Variants in SDHA observed in about 807,000 individuals in gnomAD.
SDHA encodes the protein succinate dehydrogenase [ubiquinone] flavoprotein subunit, mitochondrial.
Under a neutral mutation model 78.4 loss-of-function variants are expected in SDHA, and 48 were observed. The ratio of observed to expected loss-of-function variants is 0.61; its 90% CI spans 0.49 to 0.78. SDHA has a LOEUF of 0.78. Ranked by LOEUF, SDHA falls within the 30% of genes least tolerant of loss-of-function variation. SDHA has a pLI of 0.00. For missense variants in SDHA, 680 were observed against 892.7 expected (o/e 0.76, Z 3.04); for synonymous variants, 326 against 353.9 (o/e 0.92, Z 0.88).
intron 1 of SDHA, among the ~76,000 whole-genome samples, chr5:219,094 C>CA (rs1489249118): frequency 2.6e-5 from 4 of 152,316 alleles, no homozygotes; most frequent in Middle Eastern, 3.4e-3. Flanking sequence ...CTTATGCCAC[C>CA]AAAAATGTGC....
rs557117693 is a variant in SDHA, at chr5:243,901, T to G, written c.1551+3425T>G. On this transcript the variant is annotated intron_variant, in intron 11 of 14. Coordinates refer to ENST00000264932, the MANE Select transcript of SDHA (RefSeq NM_004168.4). Reference sequence around the variant, plus strand: ...AGGAAATACTCCGTTTCCTGGAGGTTGTTTTAACTGTGGGAAGCATGGTCA... The same window carrying G: ...AGGAAATACTCCGTTTCCTGGAGGTGGTTTTAACTGTGGGAAGCATGGTCA... Among the ~76,000 whole-genome samples, 3 of 152,254 alleles carry G rather than the reference T, an allele frequency of 2.0e-5. No homozygotes were observed. In the South Asian group the frequency reaches 6.2e-4, roughly 32 times the overall value.
intron 13 of SDHA, among the ~76,000 whole-genome samples, chr5:252,239 G>A (rs1329606790): frequency 7.7e-6 from 1 of 130,598 alleles, no homozygotes; most frequent in Non-Finnish European, 1.5e-5. Flanking sequence ...ATTAAATAAG[G>A]AGTAAGCCAC....
intron 11 of SDHA, among the ~76,000 whole-genome samples, chr5:241,956 C>G (rs1736168368): frequency 6.6e-6 from 1 of 152,206 alleles, no homozygotes; most frequent in Non-Finnish European, 1.5e-5. Context: ...GGGAACATGC[C>G]TTCGGATATA....
At chr5:266,641 C>G in the SDHA span, among the ~76,000 whole-genome samples, 1 of 152,134 alleles carries the variant, frequency 6.6e-6, no homozygotes, top group Non-Finnish European at 1.5e-5. Flanking sequence ...ATAATTGGGT[C>G]AATATAAAAA....
chr5:220,679 G>T (rs376739859), intron 1 of SDHA, among the ~76,000 whole-genome samples: 1 of 148,772 alleles, frequency 6.7e-6, no homozygotes, highest in Admixed American at 6.7e-5. Context: ...GAGCCAGGCC[G>T]GCCGACTTGA....
chr5:228,270 C>T lies in SDHA; in HGVS notation c.707C>T (p.Ala236Val), dbSNP rs1060503703. 6.2e-7 allele frequency: 1 copy of T among 1,613,702 alleles called. No homozygotes were observed. The highest frequency in any genetic ancestry group is 1.7e-5 in the Admixed American group (1 of 59,994). The change falls in exon 6 of 15, where the codon GCA (alanine) becomes GTA (valine). Residue 236 changes from alanine (A) to valine (V), a missense_variant. Coordinates refer to ENST00000264932, the MANE Select transcript of SDHA (RefSeq NM_004168.4). ...AATGGGGAGTGCCGTGGTGTCATCG[C>T]ACTGTGCATAGAGGACGGGTCCATC... Reference protein sequence around the residue: ...MENGECRGVIALCIEDGSIHR... With the variant: ...MENGECRGVIVLCIEDGSIHR...
chr5:218,997 C>T (rs1054923457), intron 1 of SDHA, among the ~76,000 whole-genome samples: 2 of 152,166 alleles, frequency 1.3e-5, no homozygotes, highest in Admixed American at 1.3e-4. Flanking sequence ...GCTTGCAGTT[C>T]GCCTTTCCAG....
At chr5:257,204 T>C (rs62344344), downstream of SDHA, among the ~76,000 whole-genome samples, 36,537 of 152,020 alleles carry the variant, frequency 0.24, 6,860 homozygotes, top group African/African-American at 0.53. Flanking sequence ...AGTGTGTCCT[T>C]GATTATTCAA....
rs761158368 is a variant in SDHA, at chr5:233,557, TTTATG to T, written c.977_981del (p.Phe326Ter). ...TCTCATTAACAGTCAAGGCGAAAGG[TTTATG>T]GAGCGATACGCCCCTGTCGCGAAGG... On this transcript the variant is annotated frameshift_variant, in exon 8 of 15. Coordinates refer to ENST00000264932, the MANE Select transcript of SDHA (RefSeq NM_004168.4). LOFTEE classifies it high-confidence loss of function. The T allele has an allele frequency of 6.2e-7, 1 of 1,614,146 alleles. No homozygotes were observed. The highest frequency in any genetic ancestry group is 1.1e-5 in the South Asian group (1 of 91,078).
chr5:232,386 G>A (rs1279783218), intron 7 of SDHA, among the ~76,000 whole-genome samples: 1 of 151,936 alleles, frequency 6.6e-6, no homozygotes, highest in Admixed American at 6.6e-5. Context: ...AATTTTCGAG[G>A]GTTTTTTCGT....
chr5:250,882 T>C (rs1736776628), intron 11 of SDHA, 110 bp from the exon 12 acceptor site: 2 of 940,088 alleles, frequency 2.1e-6, no homozygotes, highest in Admixed American at 1.9e-5. Flanking sequence ...TTCTGTTTAA[T>C]TTATGTAACT....
intron 11 of SDHA, among the ~76,000 whole-genome samples, chr5:246,719 C>T (rs1447632266): frequency 6.6e-6 from 1 of 152,148 alleles, no homozygotes; most frequent in Non-Finnish European, 1.5e-5. Flanking sequence ...ACTCCACATT[C>T]AGCTACTGGT....
chr5:233,752 C>T (rs1735579546), intron 8 of SDHA, 107 bp downstream of exon 8: 11 of 1,091,882 alleles, frequency 1.0e-5, no homozygotes, highest in South Asian at 6.3e-5. Flanking sequence ...GGCGCATGTG[C>T]ACAGCCACCT....
chr5:229,166 G>T (rs570245230), intron 6 of SDHA, among the ~76,000 whole-genome samples: 1 of 152,332 alleles, frequency 6.6e-6, no homozygotes, highest in East Asian at 1.9e-4. Context: ...TGTGCTGTTG[G>T]TGGGAATGTA....
chr5:236,105 A>G (rs1333469025), intron 9 of SDHA: 8 of 389,808 alleles, frequency 2.1e-5, no homozygotes, highest in East Asian at 5.9e-5. Flanking sequence ...GCTCACTGCA[A>G]CCTCTGCCTC....
chr5:235,081 G>T (rs1278367327), intron 8 of SDHA, 63 bp from the exon 9 acceptor site: 32 of 1,483,272 alleles, frequency 2.2e-5, no homozygotes, highest in Non-Finnish European at 2.9e-5. Context: ...CCAAGATGAC[G>T]TATTCTCAGG....
At chr5:238,770 G>A (rs1735945399) in intron 10 of SDHA, among the ~76,000 whole-genome samples, 1 of 152,182 alleles carries the variant, frequency 6.6e-6, no homozygotes. Flanking sequence ...ACCAGCTTGG[G>A]CAACGTGGTG....
intron 1 of SDHA, among the ~76,000 whole-genome samples, chr5:218,826 G>T (rs1734540615): frequency 6.6e-6 from 1 of 152,112 alleles, no homozygotes. Flanking sequence ...GCCCTGGCTG[G>T]GCTGGGCCTC....
chr5:227,765 G>A (rs188899733), intron 5 of SDHA: 49,764 of 268,804 alleles, frequency 0.19, 7,981 homozygotes, highest in African/African-American at 0.52. Flanking sequence ...AGGTGTAGCT[G>A]AAGAGCTGAA....
Sources: gnomAD v4.1 joint callset for allele counts (sites outside exome capture counted in the v4.1 genomes callset) on GRCh38, gnomAD v4.1.1 for gene constraint, MANE v1.5 for transcripts, NCBI Gene and HGNC (gene_info 2026-07-23, HGNC 2026-07-21) for gene names.